MPRIP: variants seen among roughly 807,000 people sequenced by gnomAD.
The protein encoded by MPRIP is myosin phosphatase Rho-interacting protein.
Under a neutral mutation model 234.9 loss-of-function variants are expected in MPRIP, and 59 were observed. The observed-to-expected ratio is 0.25, with a 90% CI of 0.20 to 0.31. The LOEUF is 0.31. Among genes scored for constraint, MPRIP ranks in the 10% least tolerant of loss-of-function variants. The pLI is 1.00. For synonymous variants in MPRIP, 1,144 were observed against 1,263.9 expected (o/e 0.91, Z 2.01); for missense variants, 2,436 against 3,071.0 (o/e 0.79, Z 4.89).
At chr17:17,136,612 C>G (rs1194743938) in intron 6 of MPRIP, among the ~76,000 whole-genome samples, 162 bp downstream of exon 6, 1 of 152,244 alleles carries the variant, frequency 6.6e-6, no homozygotes, top group Non-Finnish European at 1.5e-5. Flanking sequence ...CTGGTATGTT[C>G]TGAGATTCCC....
rs1033809344 is a variant in MPRIP at position 17,171,663 on chromosome 17, C to T, written c.6325-55C>T. 6 of 1,579,858 alleles carry T rather than the reference C, an allele frequency of 3.8e-6. No individual in the cohort carries two copies. In the Admixed American group the frequency reaches 5.6e-5, roughly 15 times the overall value. ...TTCCTGGCTCCTTTATTTAAAAGGG[C>T]CCCCAACTTAGAGGTAAAGAAAGAA... On this transcript the variant is annotated intron_variant, in intron 16 of 23. Transcript: ENST00000651222.
rs2046468982 is a variant in MPRIP, at chr17:17,186,043, T to A, written c.*1149T>A. ...TTTTTAACCACCACAAAACATTCTA[T>A]GGCAATTCTTGAAAATCTCTTAAAT... On this transcript the variant is annotated 3_prime_UTR_variant, in exon 24 of 24. Coordinates refer to ENST00000651222, the MANE Select transcript of MPRIP (RefSeq NM_001364716.4). 5 of 154,320 alleles carry A rather than the reference T, an allele frequency of 3.2e-5. No homozygotes were observed. 9.6% of individuals were successfully genotyped at this position (154,320 alleles called of 1,614,324 possible). A position where few individuals can be genotyped will look rare whatever the true frequency, so the allele number is the denominator to read the frequency against.
intron 3 of MPRIP, among the ~76,000 whole-genome samples, chr17:17,116,261 G>T (rs1435492288): frequency 6.6e-6 from 1 of 152,172 alleles, no homozygotes; most frequent in Non-Finnish European, 1.5e-5. Flanking sequence ...CTGCACAGGG[G>T]CTCCCTTCAG....
intron 13 of MPRIP, among the ~76,000 whole-genome samples, chr17:17,155,716 C>T (rs2045714477): frequency 6.6e-6 from 1 of 152,242 alleles, no homozygotes; most frequent in Non-Finnish European, 1.5e-5. Flanking sequence ...GCCAAGAGGC[C>T]GTGACCGGGA....
chr17:17,060,710 C>T (rs888564954), intron 1 of MPRIP, among the ~76,000 whole-genome samples: 3 of 152,194 alleles, frequency 2.0e-5, no homozygotes, highest in African/African-American at 4.8e-5. Flanking sequence ...TGTTCTCCCT[C>T]GGAGGCTTGG....
chr17:17,181,800 G>A (rs2144715597), intron 23 of MPRIP: 1 of 152,306 alleles, frequency 6.6e-6, no homozygotes, highest in East Asian at 1.9e-4. Context: ...AACACCCACG[G>A]GCCCCTGACA....
intron 1 of MPRIP, among the ~76,000 whole-genome samples, chr17:17,047,982 G>A (rs767751410): frequency 2.0e-5 from 3 of 152,064 alleles, no homozygotes; most frequent in Non-Finnish European, 2.9e-5. Context: ...AGAGGGGTGG[G>A]CATTAGTGGG....
chr17:17,111,512 G>T (rs552965584), intron 3 of MPRIP, among the ~76,000 whole-genome samples: 1 of 152,366 alleles, frequency 6.6e-6, no homozygotes, highest in African/African-American at 2.4e-5. Context: ...CTGCTGGCCT[G>T]TGTGTCCAGG....
At chr17:17,104,015 C>T (rs1001938215) in intron 3 of MPRIP, among the ~76,000 whole-genome samples, 4 of 133,734 alleles carry the variant, frequency 3.0e-5, no homozygotes, top group African/African-American at 8.4e-5. Flanking sequence ...CTGGGAATGG[C>T]GTGTGAGCCC....
intron 3 of MPRIP, among the ~76,000 whole-genome samples, chr17:17,117,869 A>G (rs2090316299): frequency 6.6e-6 from 1 of 152,236 alleles, no homozygotes; most frequent in African/African-American, 2.4e-5. Context: ...GAGGCTCACA[A>G]TTTGCGACTT....
chr17:17,157,759 C>T (rs1323659633), intron 13 of MPRIP, among the ~76,000 whole-genome samples: 8 of 150,614 alleles, frequency 5.3e-5, no homozygotes, highest in Non-Finnish European at 1.2e-4. Context: ...ACCCAGCAGG[C>T]AGAGGTTGTG....
In MPRIP at chr17:17,150,125, T is replaced by G. The variant is rs1163502743; in HGVS notation, c.1630-19T>G. ...TCTACTTCCTAAAAATCTCAAGACATTCTCACTTCCCTCGGCAGGCAGCCG... is the reference window on the plus strand; with the variant it reads ...TCTACTTCCTAAAAATCTCAAGACAGTCTCACTTCCCTCGGCAGGCAGCCG... On this transcript the variant is annotated intron_variant, in intron 11 of 23. Transcript: ENST00000651222. The G allele has an allele frequency of 6.2e-7, 1 of 1,602,646 alleles. No homozygotes were observed.
At chr17:17,184,712 G>A (rs1567785260) in intron 23 of MPRIP, 111 bp from the exon 24 acceptor site, 35 of 744,696 alleles carry the variant, frequency 4.7e-5, no homozygotes, top group South Asian at 4.6e-4. Flanking sequence ...ACCTGCACCC[G>A]GCTCTCTGAC....
At position 17,167,777 on chromosome 17, in the gene MPRIP, C is replaced by T; in HGVS notation, c.6186C>T (p.Ser2062=). 1 of 1,304,246 alleles carries T rather than the reference C, an allele frequency of 7.7e-7. No homozygotes were observed. The allele number at this position is 1,304,246 out of a possible 1,614,324, so 80.8% of individuals were successfully genotyped here. Residue 2062 remains serine (S), a synonymous_variant, in exon 16 of 24, where the codon TCC becomes TCT. Coordinates refer to ENST00000651222, the MANE Select transcript of MPRIP (RefSeq NM_001364716.4). This position sits in a 1 kb window ranked among gnomAD's most constrained non-coding sequence, Gnocchi z 5.9. ...NWQATQGEAD[S]MTGLRERIQE... ...AGGCCACCCAGGGAGAGGCTGACTCCATGACGGGGCTGAGGGAGCGCATCC... is the reference window on the plus strand; with the variant it reads ...AGGCCACCCAGGGAGAGGCTGACTCTATGACGGGGCTGAGGGAGCGCATCC...
intron 1 of MPRIP, among the ~76,000 whole-genome samples, chr17:17,064,208 T>G (rs2088953225): frequency 7.3e-6 from 1 of 136,156 alleles, no homozygotes; most frequent in Non-Finnish European, 1.7e-5. Context: ...TTTGTTTTGT[T>G]TTTTTTTTTT....
intron 1 of MPRIP, among the ~76,000 whole-genome samples, chr17:17,058,525 T>A (rs1164938899): frequency 7.6e-6 from 1 of 131,272 alleles, no homozygotes. Flanking sequence ...CCATGGAGAG[T>A]GGGGACCCAG....
chr17:17,085,701 C>G (rs2089573790), intron 3 of MPRIP, among the ~76,000 whole-genome samples: 1 of 152,210 alleles, frequency 6.6e-6, no homozygotes, highest in Non-Finnish European at 1.5e-5. Flanking sequence ...ATCACGAGGT[C>G]AGGAGATCGA....
chr17:17,143,620 A>G lies in MPRIP; in HGVS notation c.1454A>G (p.His485Arg), dbSNP rs778199475. 4 of 1,605,174 alleles carry G rather than the reference A, an allele frequency of 2.5e-6. No homozygotes were observed. The African/African-American group carries it at 5.4e-5, about 22-fold the overall frequency. ...PDASASPLSPHRRAKSLDRRS... is the reference protein window; with the variant it reads ...PDASASPLSPRRRAKSLDRRS... ...GCCTCGGCTTCCCCCCTGTCTCCAC[A>G]CCGAAGAGCCAAGTCACTGGACAGG... Residue 485 changes from histidine to arginine, a missense_variant, in exon 9 of 24, where the codon CAC (histidine) becomes CGC (arginine). By Grantham distance (29) the His-to-Arg change is conservative (BLOSUM62 0). Coordinates refer to ENST00000651222, the MANE Select transcript of MPRIP (RefSeq NM_001364716.4).
intron 1 of MPRIP, among the ~76,000 whole-genome samples, chr17:17,056,174 C>CT (rs1371807083): frequency 2.6e-5 from 4 of 152,212 alleles, no homozygotes; most frequent in Non-Finnish European, 4.4e-5. Flanking sequence ...CCTCATTTAG[C>CT]TTTCCTGCCC....
Sources: allele counts gnomAD v4.1 joint callset (sites outside exome capture counted in the v4.1 genomes callset), GRCh38; gene constraint gnomAD v4.1.1; non-coding constraint Gnocchi (gnomAD v3.1); transcripts MANE v1.5; gene names NCBI Gene and HGNC (gene_info 2026-07-23, HGNC 2026-07-21).